Variants in FBXO8 observed in about 807,000 individuals in gnomAD.
FBXO8 encodes the protein F-box protein 8.
In FBXO8, 15 loss-of-function variants were observed where a neutral mutation model predicts 33.4. The observed-to-expected ratio is 0.45, with a 90% CI of 0.30 to 0.69. FBXO8 has a LOEUF of 0.69. FBXO8 is among the 30% of genes least tolerant of loss of function. FBXO8 has a pLI of 0.08. For missense variants in FBXO8, 274 were observed against 380.3 expected (o/e 0.72, Z 2.32); for synonymous variants, 132 against 131.5 (o/e 1.00, Z -0.02).
Position 174,259,980 on chromosome 4 carries a change from G to C in FBXO8, c.330-155C>G, listed in dbSNP as rs1736512681. Reference sequence around the variant, plus strand: ...TTAAGTTTGTACTTGTTTTCTATTTGTTTACTAGAGTATGACAGATGCTTT... The same window carrying C: ...TTAAGTTTGTACTTGTTTTCTATTTCTTTACTAGAGTATGACAGATGCTTT... On this transcript the variant is annotated intron_variant, in intron 2 of 5. Transcript: ENST00000393674. This position sits in a 1 kb window ranked among gnomAD's most constrained non-coding sequence, Gnocchi z 4.3. 6.6e-6 allele frequency among the ~76,000 whole-genome samples: 1 copy of C among 151,900 alleles called. No individual in the cohort carries two copies. Among genetic ancestry groups the C allele is most frequent in the African/African-American group, 2.4e-5 (1 of 41,398 alleles).
At chr4:174,273,801 T>C (rs138092623) in intron 1 of FBXO8, among the ~76,000 whole-genome samples, 42 of 152,316 alleles carry the variant, frequency 2.8e-4, no homozygotes, top group African/African-American at 9.9e-4. Context: ...TCCAGGCATG[T>C]AAATTTGAAA....
At chr4:174,276,831 G>A (rs1193935356) in intron 1 of FBXO8, among the ~76,000 whole-genome samples, 1 of 152,130 alleles carries the variant, frequency 6.6e-6, no homozygotes, top group Non-Finnish European at 1.5e-5. Context: ...CAATTACGCT[G>A]TAACTTGCTG....
rs114556431 is a variant in FBXO8, at chr4:174,255,739, C to T, written c.456+3960G>A. On this transcript the variant is annotated intron_variant, in intron 3 of 5. Transcript: ENST00000393674. The surrounding 1 kb of genome is among the most constrained non-coding windows in gnomAD (Gnocchi z 4.3). ...CAGATCCTAAATTTAAAAATAACTA[C>T]GTCAAGAAAGTGTTTTAATATACAT... is the stretch of plus-strand genomic sequence containing the variant. 8.5e-3 allele frequency among the ~76,000 whole-genome samples: 1,292 copies of T among 152,146 alleles called. 21 individuals carry two copies. Among genetic ancestry groups the T allele is most frequent in the African/African-American group, 0.03 (1,242 of 41,496 alleles).
intron 3 of FBXO8, among the ~76,000 whole-genome samples, chr4:174,244,944 T>C (rs1736124584): frequency 6.6e-6 from 1 of 151,838 alleles, no homozygotes; most frequent in Non-Finnish European, 1.5e-5. Context: ...GATGAATGCC[T>C]ATAAGACTAG....
At chr4:174,244,180 A>T (rs1414332067) in intron 3 of FBXO8, among the ~76,000 whole-genome samples, 1 of 151,672 alleles carries the variant, frequency 6.6e-6, no homozygotes, top group Admixed American at 6.6e-5. Flanking sequence ...GAGTACTAGG[A>T]AAGTCACAGA....
In FBXO8 at chr4:174,267,356, A is replaced by T. The variant is rs1560873606; in HGVS notation, c.-8-4256T>A. 6.6e-6 allele frequency among the ~76,000 whole-genome samples: 1 copy of T among 152,100 alleles called. No individual in the cohort carries two copies. Among genetic ancestry groups the T allele is most frequent in the Non-Finnish European group, 1.5e-5 (1 of 68,002 alleles). The stretch of plus-strand genomic sequence containing the variant: ...CTTGAGACCAAGAGTTCAAGACCAG[A>T]CTGGGCAACATAGACCCCGTTTCAA... On this transcript the variant is annotated intron_variant, in intron 1 of 5. Transcript: ENST00000393674. The surrounding 1 kb of genome is among the most constrained non-coding windows in gnomAD (Gnocchi z 4.7).
In FBXO8 at chr4:174,275,941, G is replaced by A. The variant is rs2126449855; in HGVS notation, c.-9+7469C>T. ...AAATGCAAAAAGGATCGATATTTGT[G>A]TAACTCTTAGTCTAATAAAAAAGAC... On this transcript the variant is annotated intron_variant, in intron 1 of 5. Coordinates refer to ENST00000393674, the MANE Select transcript of FBXO8 (RefSeq NM_012180.3). The surrounding 1 kb of genome is among the most constrained non-coding windows in gnomAD (Gnocchi z 4.4). Among the ~76,000 whole-genome samples the A allele has an allele frequency of 6.6e-6, 1 of 152,152 alleles. No individual in the cohort carries two copies. The highest frequency in any genetic ancestry group is 2.1e-4 in the South Asian group (1 of 4,826).
chr4:174,241,188 G>T lies in FBXO8; in HGVS notation c.487C>A (p.Leu163Met). Residue 163 changes from leucine (L) to methionine (M), a missense_variant, in exon 4 of 6, where the codon CTG becomes ATG. Leu to Met is a conservative substitution (Grantham distance 15). Around this residue, in one of 2 missense-constraint regions of FBXO8, gnomAD observed 186 missense variants for 293.4 expected, o/e 0.63. Coordinates refer to ENST00000393674, the MANE Select transcript of FBXO8 (RefSeq NM_012180.3). This position sits in a 1 kb window ranked among gnomAD's most constrained non-coding sequence, Gnocchi z 4.2. ...GVNYFMSKGI[L>M]DDSPKEIAKF... ...GCTATTTCCTTTGGCGAATCATCCA[G>T]GATACCCTTGGACATAAAGTAGTTC... 1 of 1,608,808 alleles carries T rather than the reference G, an allele frequency of 6.2e-7. No individual in the cohort carries two copies. Among genetic ancestry groups the T allele is most frequent in the Non-Finnish European group, 8.5e-7 (1 of 1,176,448 alleles).
chr4:174,248,372 C>T (rs993495146), intron 3 of FBXO8, among the ~76,000 whole-genome samples: 18 of 151,982 alleles, frequency 1.2e-4, no homozygotes, highest in African/African-American at 4.3e-4. Context: ...TATAAGAGTA[C>T]TAAGTTTTCC....
chr4:174,241,141 T>C lies in FBXO8; in HGVS notation c.534A>G (p.Arg178=). 1 of 1,609,970 alleles carries C rather than the reference T, an allele frequency of 6.2e-7. No homozygotes were observed. The highest frequency in any genetic ancestry group is 1.1e-5 in the South Asian group (1 of 90,822). The change falls in exon 4 of 6, where the codon AGA becomes AGG. Residue 178 remains arginine, a synonymous_variant. Coordinates refer to ENST00000393674, the MANE Select transcript of FBXO8 (RefSeq NM_012180.3). This position sits in a 1 kb window ranked among gnomAD's most constrained non-coding sequence, Gnocchi z 4.2. ...KEIAKFIFCT[R]TLNWKKLRIY... is the part of the protein sequence containing the mutation. ...TTCTCAGTTTTTTCCAATTTAGTGT[T>C]CTTGTACAGAAGATAAACTTTGCTA...
At chr4:174,282,723 C>A (rs1341026402) in intron 1 of FBXO8, among the ~76,000 whole-genome samples, 1 of 151,794 alleles carries the variant, frequency 6.6e-6, no homozygotes, top group African/African-American at 2.4e-5. Flanking sequence ...CACCTAGGAG[C>A]CTTGAAAATG....
intron 3 of FBXO8, among the ~76,000 whole-genome samples, chr4:174,249,685 C>T (rs1053849526): frequency 6.6e-6 from 1 of 151,854 alleles, no homozygotes; most frequent in Admixed American, 6.6e-5. Flanking sequence ...AATCATGTAA[C>T]GTAAGTATCT....
In FBXO8 at chr4:174,274,744, T is replaced by A. The variant is rs192894176; in HGVS notation, c.-9+8666A>T. On this transcript the variant is annotated intron_variant, in intron 1 of 5. Coordinates refer to ENST00000393674, the MANE Select transcript of FBXO8 (RefSeq NM_012180.3). The surrounding 1 kb of genome is among the most constrained non-coding windows in gnomAD (Gnocchi z 4.0). ...ATAAACGATTAGTAAGCACTGATTT[T>A]AAAAAAAATGAATTACATGAACCTT... 6.1e-4 allele frequency among the ~76,000 whole-genome samples: 93 copies of A among 152,126 alleles called. 1 individual carries two copies. Among genetic ancestry groups the A allele is most frequent in the African/African-American group, 2.1e-3 (88 of 41,520 alleles).
rs1479313367 is a variant in FBXO8 at position 174,239,040 on chromosome 4, G to A, written c.726C>T (p.Phe242=). Residue 242 remains phenylalanine (F), a synonymous_variant, in exon 5 of 6, where the codon TTC becomes TTT. Transcript: ENST00000393674. ...GCATTAAATCAGGGTTGCAAGCACA[G>A]AATCTATGTGAGAACTTTGTTATAA... The part of the protein sequence containing the change: ...ETLITKFSHR[F]CACNPDLMRE... 3.1e-6 allele frequency: 5 copies of A among 1,597,926 alleles called. No individual in the cohort carries two copies. The highest frequency in any genetic ancestry group is 4.3e-6 in the Non-Finnish European group (5 of 1,171,230).
rs1162101681 is a variant in FBXO8, at chr4:174,277,637, T to TA, written c.-9+5772dup. On this transcript the variant is annotated intron_variant, in intron 1 of 5. Coordinates refer to ENST00000393674, the MANE Select transcript of FBXO8 (RefSeq NM_012180.3). This position sits in a 1 kb window ranked among gnomAD's most constrained non-coding sequence, Gnocchi z 4.9. ...AAAGCTTTTACTGAGCAAACGGTGTTAAATCATTGGTATGTAATGACTGAC... is the reference window on the plus strand; with the variant it reads ...AAAGCTTTTACTGAGCAAACGGTGTTAAAATCATTGGTATGTAATGACTGAC... 6.6e-6 allele frequency among the ~76,000 whole-genome samples: 1 copy of TA among 152,170 alleles called. No individual in the cohort carries two copies. Among genetic ancestry groups the TA allele is most frequent in the Admixed American group, 6.5e-5 (1 of 15,282 alleles).
intron 3 of FBXO8, among the ~76,000 whole-genome samples, chr4:174,248,608 C>A (rs191019636): frequency 6.6e-6 from 1 of 152,154 alleles, no homozygotes; most frequent in East Asian, 1.9e-4. Flanking sequence ...AGAGAGAGTG[C>A]CAGTATCCTG....
At chr4:174,249,292 T>A (rs1385249316) in intron 3 of FBXO8, among the ~76,000 whole-genome samples, 1 of 151,962 alleles carries the variant, frequency 6.6e-6, no homozygotes, top group South Asian at 2.1e-4. Flanking sequence ...GCCCCCTCTA[T>A]CTCTAACCTG....
chr4:174,280,935 A>G (rs1737071610), intron 1 of FBXO8, among the ~76,000 whole-genome samples: 2 of 152,218 alleles, frequency 1.3e-5, no homozygotes, highest in African/African-American at 4.8e-5. Flanking sequence ...AAAAAGAGTA[A>G]TGAAGATAGA....
At position 174,259,885 on chromosome 4, in the gene FBXO8, A is replaced by T; in HGVS notation, c.330-60T>A. ...TACTACATTTAATTTCCTAAGTTAA[A>T]TATGCATATACATGCAAAAATAGTA... On this transcript the variant is annotated intron_variant, in intron 2 of 5. Coordinates refer to ENST00000393674, the MANE Select transcript of FBXO8 (RefSeq NM_012180.3). The surrounding 1 kb of genome is among the most constrained non-coding windows in gnomAD (Gnocchi z 4.3). 2.1e-6 allele frequency: 3 copies of T among 1,448,748 alleles called. No individual in the cohort carries two copies. The highest frequency in any genetic ancestry group is 2.8e-6 in the Non-Finnish European group (3 of 1,078,650). 89.7% of individuals were successfully genotyped at this position (1,448,748 alleles called of 1,614,324 possible). A position where few individuals can be genotyped will look rare whatever the true frequency, so the allele number is the denominator to read the frequency against.
Sources: allele counts gnomAD v4.1 joint callset (sites outside exome capture counted in the v4.1 genomes callset), GRCh38; gene constraint gnomAD v4.1.1; regional missense constraint gnomAD v4.1.1; non-coding constraint Gnocchi (gnomAD v3.1); transcripts MANE v1.5; gene names NCBI Gene and HGNC (gene_info 2026-07-23, HGNC 2026-07-21).